Variants in NFIA observed in about 807,000 individuals in gnomAD.
NFIA encodes nuclear factor I A, also known as nuclear factor 1 A-type.
Under a neutral mutation model 62.8 loss-of-function variants are expected in NFIA, and 8 were observed. The observed-to-expected ratio is 0.13, with a 90% CI of 0.07 to 0.23. The LOEUF is 0.23. Ranked by LOEUF, NFIA falls within the 10% of genes least tolerant of loss-of-function variation. NFIA has a pLI of 1.00. For synonymous variants in NFIA, 235 were observed against 238.1 expected (o/e 0.99, Z 0.12); for missense variants, 410 against 642.1 (o/e 0.64, Z 3.91).
chr1:61,442,779 A>G (rs1459916381), intron 10 of NFIA, among the ~76,000 whole-genome samples: 3 of 152,328 alleles, frequency 2.0e-5, no homozygotes, highest in Non-Finnish European at 2.9e-5. Flanking sequence ...TATGCAAATT[A>G]TCTTCTTTCT....
At chr1:61,213,212 T>C (rs1653378750) in intron 2 of NFIA, among the ~76,000 whole-genome samples, 1 of 152,216 alleles carries the variant, frequency 6.6e-6, no homozygotes, top group Non-Finnish European at 1.5e-5. Flanking sequence ...CTCCAGTGGT[T>C]TCATATACTT....
chr1:61,082,849 G>T (rs1437857187), intron 1 of NFIA, 31 bp downstream of exon 1: 7 of 1,547,042 alleles, frequency 4.5e-6, no homozygotes, highest in Non-Finnish European at 6.1e-6. Context: ...GGAGGGCTTG[G>T]GGGCCGGGGC....
At chr1:61,177,109 CAA>C (rs1260368221) in intron 2 of NFIA, among the ~76,000 whole-genome samples, 1 of 137,006 alleles carries the variant, frequency 7.3e-6, no homozygotes, top group African/African-American at 2.7e-5. Context: ...CTGTCTCAAC[CAA>C]AAAAAAAAAA....
chr1:61,166,983 T>C (rs1371315460), intron 2 of NFIA, among the ~76,000 whole-genome samples: 2 of 151,984 alleles, frequency 1.3e-5, no homozygotes, highest in East Asian at 3.9e-4. Context: ...CTACTAAAAA[T>C]ACAAAAAATT....
intron 2 of NFIA, among the ~76,000 whole-genome samples, chr1:61,104,365 A>G (rs1646560086): frequency 6.6e-6 from 1 of 152,112 alleles, no homozygotes; most frequent in South Asian, 2.1e-4. Flanking sequence ...TCTGAGAGGC[A>G]CAGGAAGTAA....
At chr1:61,270,628 G>A (rs543894479) in intron 2 of NFIA, among the ~76,000 whole-genome samples, 7 of 152,192 alleles carry the variant, frequency 4.6e-5, no homozygotes, top group Non-Finnish European at 8.8e-5. Context: ...ATGGCTGTAT[G>A]AGTAATCTTC....
chr1:61,245,668 T>G (rs1655592671), intron 2 of NFIA, among the ~76,000 whole-genome samples: 1 of 152,158 alleles, frequency 6.6e-6, no homozygotes, highest in South Asian at 2.1e-4. Context: ...GTTAAATATA[T>G]AGATATCAAG....
chr1:61,301,162 C>T (rs955312604), intron 3 of NFIA, among the ~76,000 whole-genome samples: 6 of 119,268 alleles, frequency 5.0e-5, no homozygotes, highest in Non-Finnish European at 9.9e-5. Flanking sequence ...AGGAGGACAC[C>T]GGGTGATATG....
chr1:61,400,355 A>C (rs1665491568), intron 7 of NFIA, among the ~76,000 whole-genome samples: 1 of 152,198 alleles, frequency 6.6e-6, no homozygotes, highest in Non-Finnish European at 1.5e-5. Flanking sequence ...CCACTCGTTA[A>C]AGTTTAAACT....
chr1:61,087,375 G>GT (rs535915593), intron 1 of NFIA, among the ~76,000 whole-genome samples: 14 of 149,752 alleles, frequency 9.3e-5, no homozygotes, highest in South Asian at 4.2e-4. Flanking sequence ...GCTTTTCTTT[G>GT]TTTTTTTTTC....
chr1:61,309,474 G>A (rs1470034989), intron 3 of NFIA, among the ~76,000 whole-genome samples: 5 of 131,614 alleles, frequency 3.8e-5, no homozygotes, highest in Non-Finnish European at 7.8e-5. Flanking sequence ...TTTCCACAGT[G>A]AGAAAAACAA....
intron 5 of NFIA, among the ~76,000 whole-genome samples, chr1:61,357,017 A>G (rs116266181): frequency 0.03 from 4,561 of 152,264 alleles, 244 homozygotes; most frequent in African/African-American, 0.1. Flanking sequence ...CTCCCCTGTC[A>G]TTCCCTGTTT....
intron 2 of NFIA, among the ~76,000 whole-genome samples, chr1:61,252,501 T>C (rs1449793999): frequency 1.3e-5 from 2 of 152,166 alleles, no homozygotes; most frequent in Non-Finnish European, 2.9e-5. Flanking sequence ...GCTACAAAAA[T>C]TTCTGTCAGA....
intron 2 of NFIA, among the ~76,000 whole-genome samples, chr1:61,224,067 T>C (rs560337381): frequency 3.3e-5 from 5 of 152,054 alleles, no homozygotes; most frequent in Non-Finnish European, 7.4e-5. Context: ...ATTTTACTTA[T>C]TGAGATACAT....
intron 2 of NFIA, among the ~76,000 whole-genome samples, chr1:61,218,008 G>C (rs1334863129): frequency 6.6e-6 from 1 of 152,182 alleles, no homozygotes; most frequent in Non-Finnish European, 1.5e-5. Flanking sequence ...CTTAATAAAT[G>C]TTGATTTCCT....
chr1:61,148,334 C>T (rs1163973016), intron 2 of NFIA, among the ~76,000 whole-genome samples: 18 of 152,090 alleles, frequency 1.2e-4, no homozygotes, highest in Admixed American at 9.8e-4. Flanking sequence ...ACATTCTTTC[C>T]GGCCTTTGGA....
At chr1:61,276,487 T>C (rs17121899) in intron 2 of NFIA, among the ~76,000 whole-genome samples, 1,920 of 152,310 alleles carry the variant, frequency 0.013, 47 homozygotes, top group African/African-American at 0.044. Context: ...AAGTTGAAGT[T>C]AGGATGCAAG....
chr1:61,263,354 A>G (rs531238209), intron 2 of NFIA, among the ~76,000 whole-genome samples: 38 of 152,286 alleles, frequency 2.5e-4, no homozygotes, highest in Admixed American at 2.0e-3. Context: ...TGATGCTGCC[A>G]GGGTTTAAAC....
intron 4 of NFIA, among the ~76,000 whole-genome samples, chr1:61,341,061 T>C (rs979978343): frequency 2.5e-5 from 1 of 39,704 alleles, no homozygotes; most frequent in East Asian, 3.3e-4. Context: ...ACCGGCATTC[T>C]TTTTTTTTTT....
Sources: gnomAD v4.1 joint callset for allele counts (sites outside exome capture counted in the v4.1 genomes callset) on GRCh38, gnomAD v4.1.1 for gene constraint, MANE v1.5 for transcripts, NCBI Gene and HGNC (gene_info 2026-07-23, HGNC 2026-07-21) for gene names.